The following NTM variants were observed in gnomAD, a reference collection of about 807,000 sequenced individuals.
NTM encodes the protein IgLON family member 2.
In NTM, 13 loss-of-function variants were observed where a neutral mutation model predicts 42.1. The observed-to-expected ratio is 0.31, with a 90% CI of 0.20 to 0.49. NTM has a LOEUF of 0.49. Ranked by LOEUF, NTM falls within the 20% of genes least tolerant of loss-of-function variation. NTM has a pLI of 0.99. For missense variants in NTM, 373 were observed against 452.8 expected (o/e 0.82, Z 1.60); for synonymous variants, 187 against 179.2 (o/e 1.04, Z -0.35).
At chr11:132,115,474 A>G (rs554899796) in intron 2 of NTM, among the ~76,000 whole-genome samples, 21 of 152,332 alleles carry the variant, frequency 1.4e-4, no homozygotes, top group Admixed American at 1.0e-3. Flanking sequence ...AAGCTGAAGA[A>G]AAGAAATACA....
intron 2 of NTM, among the ~76,000 whole-genome samples, chr11:132,126,473 A>T (rs2065859161): frequency 6.6e-6 from 1 of 152,168 alleles, no homozygotes; most frequent in South Asian, 2.1e-4. Context: ...TGAGGCGATC[A>T]GATTGGAAAT....
At chr11:131,684,835 GACA>G (rs1298758357) in intron 1 of NTM, among the ~76,000 whole-genome samples, 3 of 152,232 alleles carry the variant, frequency 2.0e-5, no homozygotes, top group Non-Finnish European at 4.4e-5. Context: ...AGCTGTGTAG[GACA>G]ACGACACTCC....
chr11:131,450,208 C>T (rs532641000), intron 1 of NTM, among the ~76,000 whole-genome samples: 1 of 152,322 alleles, frequency 6.6e-6, no homozygotes, highest in East Asian at 1.9e-4. Flanking sequence ...ACCTTCCCTC[C>T]TTGTATTTGC....
At chr11:131,707,710 G>C (rs953452936) in intron 1 of NTM, among the ~76,000 whole-genome samples, 1 of 151,846 alleles carries the variant, frequency 6.6e-6, no homozygotes, top group Non-Finnish European at 1.5e-5. Context: ...ATTTGCTTTT[G>C]ACAAAATTCA....
At chr11:131,558,067 G>A (rs980039026) in intron 1 of NTM, among the ~76,000 whole-genome samples, 39 of 152,136 alleles carry the variant, frequency 2.6e-4, no homozygotes, top group African/African-American at 7.2e-4. Flanking sequence ...TGAACTTGCC[G>A]AGCCTTTTGT....
chr11:132,270,096 G>A (rs1249730268), intron 4 of NTM, among the ~76,000 whole-genome samples: 1 of 152,228 alleles, frequency 6.6e-6, no homozygotes, highest in South Asian at 2.1e-4. Context: ...ACTACGGATA[G>A]CGTTTTATTC....
At chr11:131,709,520 G>A (rs2076910544) in intron 1 of NTM, among the ~76,000 whole-genome samples, 1 of 152,208 alleles carries the variant, frequency 6.6e-6, no homozygotes, top group Non-Finnish European at 1.5e-5. Flanking sequence ...AATAAGGTAG[G>A]AGTCAAGATT....
chr11:132,065,171 CCAGA>C (rs1458309305), intron 2 of NTM, among the ~76,000 whole-genome samples: 9 of 152,130 alleles, frequency 5.9e-5, no homozygotes, highest in African/African-American at 1.9e-4. Flanking sequence ...GCATGCATTC[CCAGA>C]CATTGAACAT....
intron 1 of NTM, among the ~76,000 whole-genome samples, chr11:131,873,366 T>TG: frequency 7.6e-6 from 1 of 132,078 alleles, no homozygotes; most frequent in African/African-American, 2.9e-5. Flanking sequence ...TGTTGGGGGA[T>TG]GGGGGGCAAG....
intron 1 of NTM, among the ~76,000 whole-genome samples, chr11:131,792,240 AAC>A (rs1206303894): frequency 1.3e-5 from 2 of 152,224 alleles, no homozygotes; most frequent in African/African-American, 2.4e-5. Context: ...AAATTAAAAA[AAC>A]ACACAAAAAT....
chr11:131,476,600 G>A (rs1952964904), intron 1 of NTM, among the ~76,000 whole-genome samples: 1 of 152,174 alleles, frequency 6.6e-6, no homozygotes, highest in African/African-American at 2.4e-5. Flanking sequence ...GTTTATGTGT[G>A]TTCTGGGCCA....
intron 2 of NTM, among the ~76,000 whole-genome samples, chr11:132,025,227 C>A (rs1054936426): frequency 2.6e-5 from 4 of 152,150 alleles, no homozygotes; most frequent in Non-Finnish European, 5.9e-5. Context: ...CATTCACATG[C>A]CGTTGGGCTC....
At chr11:131,432,094 C>A (rs1400994147) in intron 1 of NTM, among the ~76,000 whole-genome samples, 1 of 152,194 alleles carries the variant, frequency 6.6e-6, no homozygotes, top group East Asian at 1.9e-4. Flanking sequence ...ATTTCCAAGA[C>A]CTCATCTTTG....
intron 3 of NTM, among the ~76,000 whole-genome samples, chr11:132,152,267 T>C (rs1010423795): frequency 6.6e-6 from 1 of 152,170 alleles, no homozygotes; most frequent in African/African-American, 2.4e-5. Flanking sequence ...GCTCTGCAGA[T>C]CTTTGCACCA....
At chr11:131,426,097 T>TG (rs1948110728) in intron 1 of NTM, among the ~76,000 whole-genome samples, 5 of 152,072 alleles carry the variant, frequency 3.3e-5, no homozygotes, top group Admixed American at 3.3e-4. Flanking sequence ...CACTGAGGGC[T>TG]GGGGGGTCTT....
intron 1 of NTM, among the ~76,000 whole-genome samples, chr11:131,637,000 C>G (rs1332230718): frequency 2.0e-5 from 3 of 152,070 alleles, no homozygotes; most frequent in Non-Finnish European, 2.9e-5. Flanking sequence ...ACCCAGATTG[C>G]CCTTAAAGCT....
chr11:132,188,652 T>C (rs1008820921), intron 3 of NTM, among the ~76,000 whole-genome samples: 2 of 151,962 alleles, frequency 1.3e-5, no homozygotes, highest in African/African-American at 4.8e-5. Flanking sequence ...CATCATGATA[T>C]GCTGTATGTG....
intron 1 of NTM, among the ~76,000 whole-genome samples, chr11:131,874,032 T>TATA (rs1295105950): frequency 1.2e-4 from 2 of 16,862 alleles, no homozygotes; most frequent in African/African-American, 5.4e-4. Context: ...TATAATATAA[T>TATA]ATATATATAT....
chr11:131,523,517 A>T (rs1158555554), intron 1 of NTM, among the ~76,000 whole-genome samples: 2 of 152,140 alleles, frequency 1.3e-5, no homozygotes, highest in Non-Finnish European at 2.9e-5. Flanking sequence ...GGTCAGGCGC[A>T]GTGGCTGATT....
Sources: allele counts gnomAD v4.1 joint callset (sites outside exome capture counted in the v4.1 genomes callset), GRCh38; gene constraint gnomAD v4.1.1; transcripts MANE v1.5; gene names NCBI Gene and HGNC (gene_info 2026-07-23, HGNC 2026-07-21).